YEATS2: variants seen among roughly 807,000 people sequenced by gnomAD.
YEATS2 encodes the protein YEATS domain-containing protein 2.
Under a neutral mutation model 163.2 loss-of-function variants are expected in YEATS2, and 77 were observed. That is an observed-to-expected ratio of 0.47 (90% confidence interval 0.39 to 0.57). The LOEUF (loss-of-function observed/expected upper bound fraction) is 0.57. YEATS2 is among the 20% of genes least tolerant of loss of function. The probability of loss-of-function intolerance (pLI) is 0.00; values close to 1 mark genes in which losing one functional copy is unlikely to be tolerated. For missense variants in YEATS2, 1,549 were observed against 1,729.8 expected (o/e 0.90, Z 1.85); for synonymous variants, 631 against 645.1 (o/e 0.98, Z 0.33).
intron 20 of YEATS2, among the ~76,000 whole-genome samples, chr3:183,790,173 A>C (rs973269011): frequency 6.6e-6 from 1 of 152,182 alleles, no homozygotes; most frequent in African/African-American, 2.4e-5. Flanking sequence ...ATTCCTCTAA[A>C]GTGCCTAATG....
At chr3:183,703,126 T>C (rs771377741) in intron 1 of YEATS2, among the ~76,000 whole-genome samples, 1 of 152,220 alleles carries the variant, frequency 6.6e-6, no homozygotes, top group African/African-American at 2.4e-5. Context: ...AGCTGTCTTT[T>C]GCTCAGCTCT....
At chr3:183,806,369 A>G (rs1410585778) in intron 27 of YEATS2, 2 of 456,512 alleles carry the variant, frequency 4.4e-6, no homozygotes, top group Admixed American at 4.7e-5. Context: ...CTAGTGCCCT[A>G]GATCTGGCCT....
chr3:183,774,010 T>C (rs1216881529), intron 17 of YEATS2, among the ~76,000 whole-genome samples: 1 of 152,168 alleles, frequency 6.6e-6, no homozygotes, highest in African/African-American at 2.4e-5. Context: ...GATGAATCAC[T>C]CTGGAGAGAG....
chr3:183,735,205 G>A (rs1718210574), intron 7 of YEATS2, among the ~76,000 whole-genome samples: 2 of 152,124 alleles, frequency 1.3e-5, no homozygotes, highest in Admixed American at 6.6e-5. Flanking sequence ...TGTGATTGAG[G>A]CATATTGCAA....
intron 1 of YEATS2, among the ~76,000 whole-genome samples, chr3:183,711,812 G>GTGTTTTTTTTTTTTCTT (rs1553856272): frequency 6.8e-4 from 95 of 140,168 alleles, no homozygotes; most frequent in Non-Finnish European, 1.1e-3. Flanking sequence ...TTTAAATAGT[G>GTGTTTTTTTTTTTTCTT]TGTTTTTTTT....
intron 6 of YEATS2, among the ~76,000 whole-genome samples, chr3:183,728,171 C>T (rs570407290): frequency 3.5e-4 from 53 of 152,210 alleles, no homozygotes; most frequent in Non-Finnish European, 6.3e-4. Context: ...CTCAGGCAGT[C>T]CTCCCACCTC....
chr3:183,782,131 C>CA (rs1263647527), intron 19 of YEATS2, among the ~76,000 whole-genome samples: 1 of 151,856 alleles, frequency 6.6e-6, no homozygotes, highest in East Asian at 1.9e-4. Flanking sequence ...TTTTTTGAGA[C>CA]AGAGTTTCGC....
intron 29 of YEATS2, 121 bp from the exon 30 acceptor site, chr3:183,808,976 G>C: frequency 1.1e-6 from 1 of 893,896 alleles, no homozygotes; most frequent in Non-Finnish European, 1.8e-6. Context: ...TTTTCTTAAG[G>C]ACTTTTTAAT....
At chr3:183,711,427 C>T (rs780534530) in intron 1 of YEATS2, among the ~76,000 whole-genome samples, 21 of 146,770 alleles carry the variant, frequency 1.4e-4, no homozygotes, top group African/African-American at 4.8e-4. Context: ...GAGCTGAGAT[C>T]GCGCCACTGC....
chr3:183,705,070 C>A (rs1019412328), intron 1 of YEATS2, among the ~76,000 whole-genome samples: 1 of 151,926 alleles, frequency 6.6e-6, no homozygotes, highest in African/African-American at 2.4e-5. Flanking sequence ...TTGTTTGAGA[C>A]GGGGTCTGGC....
chr3:183,771,769 C>T (rs1722504705), intron 15 of YEATS2, among the ~76,000 whole-genome samples: 2 of 146,682 alleles, frequency 1.4e-5, no homozygotes, highest in East Asian at 2.0e-4. Flanking sequence ...CTCTGTCACC[C>T]AGGCTGGAGT....
At chr3:183,741,864 A>C (rs1719009051) in intron 8 of YEATS2, among the ~76,000 whole-genome samples, 1 of 152,194 alleles carries the variant, frequency 6.6e-6, no homozygotes, top group African/African-American at 2.4e-5. Context: ...TCCATTCTGC[A>C]TCTGTGAGAT....
intron 30 of YEATS2, chr3:183,809,372 G>C: frequency 1.8e-6 from 1 of 543,052 alleles, no homozygotes; most frequent in South Asian, 2.4e-5. Flanking sequence ...ACTCAGCTTT[G>C]CTCAGAGGTT....
At chr3:183,783,633 A>C (rs113483116) in intron 19 of YEATS2, among the ~76,000 whole-genome samples, 5 of 152,196 alleles carry the variant, frequency 3.3e-5, no homozygotes, top group Non-Finnish European at 7.3e-5. Flanking sequence ...CCCACTTGTA[A>C]GTGAGAACAT....
At chr3:183,753,371 G>C (rs1720386514) in intron 10 of YEATS2, among the ~76,000 whole-genome samples, 1 of 152,064 alleles carries the variant, frequency 6.6e-6, no homozygotes, top group African/African-American at 2.4e-5. Context: ...TTTTAATGTG[G>C]TTAGTATTAT....
intron 12 of YEATS2, among the ~76,000 whole-genome samples, 177 bp downstream of exon 12, chr3:183,756,866 A>T (rs1720828108): frequency 6.6e-6 from 1 of 152,242 alleles, no homozygotes; most frequent in African/African-American, 2.4e-5. Flanking sequence ...ACTCTGTAAA[A>T]GTTGCATTTT....
Position 183,807,013 on chromosome 3 carries a change from A to G in YEATS2, c.3932A>G (p.Gln1311Arg). 6.2e-7 allele frequency: 1 copy of G among 1,614,228 alleles called. No homozygotes were observed. Among genetic ancestry groups the G allele is most frequent in the Non-Finnish European group, 8.5e-7 (1 of 1,180,040 alleles). The change falls in exon 28 of 31, where the codon CAG (glutamine) becomes CGG (arginine). Residue 1311 changes from glutamine (Q) to arginine (R), a missense_variant. Coordinates refer to ENST00000305135, the MANE Select transcript of YEATS2 (RefSeq NM_018023.5). ...EPVKINIKKE[Q>R]EEKQEEVKFY... is the part of the protein sequence containing the mutation. Reference sequence around the variant, plus strand: ...GTGAAGATAAACATCAAGAAGGAGCAGGAAGAGAAACAAGAGGAAGTCAAG... The same window carrying G: ...GTGAAGATAAACATCAAGAAGGAGCGGGAAGAGAAACAAGAGGAAGTCAAG...
intron 8 of YEATS2, among the ~76,000 whole-genome samples, chr3:183,741,277 C>T (rs756581859): frequency 2.6e-5 from 4 of 151,978 alleles, no homozygotes; most frequent in Non-Finnish European, 4.4e-5. Context: ...CGCTTATTTA[C>T]CATCCAGTAA....
chr3:183,751,308 G>A (rs902048921), intron 9 of YEATS2, among the ~76,000 whole-genome samples: 6 of 152,182 alleles, frequency 3.9e-5, no homozygotes, highest in Non-Finnish European at 7.3e-5. Context: ...CTTTATGCCA[G>A]CAGCATACTG....
Sources: allele counts gnomAD v4.1 joint callset (sites outside exome capture counted in the v4.1 genomes callset), GRCh38; gene constraint gnomAD v4.1.1; transcripts MANE v1.5; gene names NCBI Gene and HGNC (gene_info 2026-07-23, HGNC 2026-07-21).